Variants in AR observed in about 807,000 individuals in gnomAD.
AR encodes the protein androgen receptor.
AR carries 8 observed loss-of-function variants against 53.9 expected under a neutral mutation model. The observed-to-expected ratio is 0.15, with a 90% CI of 0.09 to 0.27. The LOEUF (loss-of-function observed/expected upper bound fraction) is 0.27. AR is among the 10% of genes least tolerant of loss of function. AR has a pLI of 1.00. For synonymous variants in AR, 359 were observed against 316.4 expected (o/e 1.13, Z -1.43); for missense variants, 639 against 742.5 (o/e 0.86, Z 1.62).
chrX:67,705,568 A>G (rs1388587634), intron 3 of AR, among the ~76,000 whole-genome samples: 1 of 111,555 alleles, frequency 9.0e-6, no homozygotes, highest in Non-Finnish European at 1.9e-5. Flanking sequence ...GGTTTTCTAG[A>G]TATACAATCA....
At chrX:67,674,971 T>C (rs1244532074) in intron 2 of AR, among the ~76,000 whole-genome samples, 1 of 111,074 alleles carries the variant, frequency 9.0e-6, no homozygotes, top group African/African-American at 3.3e-5. Context: ...GCTATCACAC[T>C]GATTATTCAG....
At chrX:67,547,667 G>A (rs1471981172) in intron 1 of AR, among the ~76,000 whole-genome samples, 1 of 112,006 alleles carries the variant, frequency 8.9e-6, no homozygotes, top group South Asian at 3.7e-4. Context: ...ACATTTTTTT[G>A]TAAAGCATTT....
chrX:67,687,728 G>A (rs144526631), intron 3 of AR, among the ~76,000 whole-genome samples: 57 of 112,341 alleles, frequency 5.1e-4, no homozygotes, highest in Middle Eastern at 4.6e-3. Flanking sequence ...TGTGAATTAT[G>A]TATAGTATAA....
At chrX:67,597,663 A>G (rs1315392833) in intron 1 of AR, among the ~76,000 whole-genome samples, 2 of 111,863 alleles carry the variant, frequency 1.8e-5, no homozygotes, top group African/African-American at 3.3e-5. Flanking sequence ...ATACTGGCCT[A>G]TGGACTATCT....
chrX:67,557,133 A>G (rs889475095), intron 1 of AR, among the ~76,000 whole-genome samples: 1 of 108,087 alleles, frequency 9.3e-6, no homozygotes, highest in East Asian at 3.0e-4. Flanking sequence ...GGGGGAAGAG[A>G]CTGTGGGAGC....
intron 1 of AR, among the ~76,000 whole-genome samples, chrX:67,554,908 G>T (rs1450370521): frequency 4.0e-5 from 4 of 100,723 alleles, no homozygotes; most frequent in Non-Finnish European, 8.0e-5. Context: ...TGCACTCCAG[G>T]CTCCGTCAAA....
chrX:67,630,061 T>A (rs1302434793), intron 1 of AR, among the ~76,000 whole-genome samples: 2 of 111,066 alleles, frequency 1.8e-5, no homozygotes, highest in African/African-American at 6.5e-5. Context: ...CTTCCAACTA[T>A]GTGGTCAATT....
At chrX:67,555,238 A>G (rs746371160) in intron 1 of AR, among the ~76,000 whole-genome samples, 4 of 112,108 alleles carry the variant, frequency 3.6e-5, no homozygotes, top group Non-Finnish European at 7.5e-5. Flanking sequence ...GTGGTCAGCA[A>G]TGTTACCTGT....
At chrX:67,702,832 C>T (rs763916757) in intron 3 of AR, among the ~76,000 whole-genome samples, 1 of 111,979 alleles carries the variant, frequency 8.9e-6, no homozygotes, top group African/African-American at 3.2e-5. Context: ...GCCTATAATC[C>T]CAGCACTTTG....
intron 1 of AR, among the ~76,000 whole-genome samples, chrX:67,621,846 A>G: frequency 8.9e-6 from 1 of 111,890 alleles, no homozygotes; most frequent in Non-Finnish European, 1.9e-5. Flanking sequence ...ACACTGGACT[A>G]GATGATTGAT....
chrX:67,716,336 T>A (rs899331201), intron 4 of AR, among the ~76,000 whole-genome samples: 3 of 112,023 alleles, frequency 2.7e-5, no homozygotes, highest in Non-Finnish European at 5.6e-5. Flanking sequence ...CTTTAAGCCT[T>A]CTTCTTGGAT....
rs747358709 is a variant in AR at position 67,728,998 on chromosome X, T to C, written c.*5157T>C. 1.3e-4 allele frequency: 22 copies of C among 172,780 alleles called. No individual in the cohort carries two copies. Among genetic ancestry groups the C allele is most frequent in the African/African-American group, 5.9e-4 (20 of 33,817 alleles). The allele number at this position is 172,780 out of a possible 1,213,427, so 14.2% of individuals were successfully genotyped here. A position where few individuals can be genotyped will look rare whatever the true frequency, so the allele number is the denominator to read the frequency against. On this transcript the variant is annotated 3_prime_UTR_variant, in exon 8 of 8. Transcript: ENST00000374690. ...TGGCCCCCTAATGGGACCTGAGCTG[T>C]TGGAAGAAGAGAACTGTTCCTTGGT...
intron 1 of AR, among the ~76,000 whole-genome samples, chrX:67,561,826 T>A (rs1405808984): frequency 2.7e-5 from 3 of 110,380 alleles, no homozygotes; most frequent in African/African-American, 9.9e-5. Context: ...TGTTTCAACG[T>A]ACCTGAAGGA....
chrX:67,698,834 C>T (rs1024723370), intron 3 of AR, among the ~76,000 whole-genome samples: 2 of 111,616 alleles, frequency 1.8e-5, no homozygotes, highest in Non-Finnish European at 3.8e-5. Flanking sequence ...CCCTGCAAGC[C>T]ATTCACTGGT....
At chrX:67,713,310 G>A (rs1350072969) in intron 4 of AR, among the ~76,000 whole-genome samples, 1 of 110,929 alleles carries the variant, frequency 9.0e-6, no homozygotes, top group African/African-American at 3.3e-5. Flanking sequence ...AGAACACTGG[G>A]AAGGAAACCC....
intron 4 of AR, among the ~76,000 whole-genome samples, chrX:67,712,449 A>G (rs766608042): frequency 8.9e-6 from 1 of 112,617 alleles, no homozygotes; most frequent in South Asian, 3.7e-4. Context: ...TTCTTATGTC[A>G]TCTGTTGTTT....
intron 1 of AR, among the ~76,000 whole-genome samples, chrX:67,587,487 G>T (rs561279728): frequency 2.7e-5 from 3 of 111,980 alleles, no homozygotes; most frequent in African/African-American, 9.7e-5. Flanking sequence ...TTCCAGTACA[G>T]ATTTTATTTA....
intron 3 of AR, among the ~76,000 whole-genome samples, chrX:67,693,023 G>A (rs770065394): frequency 2.7e-5 from 3 of 112,739 alleles, no homozygotes; most frequent in South Asian, 3.6e-4. Context: ...CAGAGACTGC[G>A]TCTCTTAATT....
chrX:67,723,079 G>A, intron 7 of AR, 95 bp downstream of exon 7: 1 of 1,058,463 alleles, frequency 9.4e-7, no homozygotes, highest in Non-Finnish European at 1.3e-6. Context: ...CCTGTTGGGA[G>A]GTGCTTCCAT....
Sources: gnomAD v4.1 joint callset for allele counts (sites outside exome capture counted in the v4.1 genomes callset) on GRCh38, gnomAD v4.1.1 for gene constraint, MANE v1.5 for transcripts, NCBI Gene and HGNC (gene_info 2026-07-23, HGNC 2026-07-21) for gene names.